Variants in ZNF469 observed in about 807,000 individuals in gnomAD.
The protein encoded by ZNF469 is zinc finger protein 469.
ZNF469 carries 1 observed loss-of-function variant against 1.0 expected under a neutral mutation model. The observed-to-expected ratio is 1.00, with a 90% CI of 0.35 to 4.73. The LOEUF (loss-of-function observed/expected upper bound fraction) is 4.73, where lower values mean the gene tolerates loss of function less well. Ranked by LOEUF, ZNF469 falls within the 30% of genes most tolerant of loss-of-function variation. The pLI, the probability that ZNF469 is intolerant of heterozygous loss-of-function variation, is 0.16. For synonymous variants in ZNF469, 2,703 were observed against 2,363.4 expected (o/e 1.14, Z -4.17); for missense variants, 6,100 against 5,356.3 (o/e 1.14, Z -4.33).
chr16:88,372,944 A>G, the ZNF469 span, among the ~76,000 whole-genome samples: 1 of 151,746 alleles, frequency 6.6e-6, no homozygotes. Context: ...CACCATCTTT[A>G]CCATCATCAC....
chr16:88,243,132 G>T, the ZNF469 span, among the ~76,000 whole-genome samples: 1 of 152,172 alleles, frequency 6.6e-6, no homozygotes, highest in African/African-American at 2.4e-5. Context: ...AGTGGCTCAC[G>T]AGGCTGGAAG....
intron 1 of ZNF469, among the ~76,000 whole-genome samples, chr16:88,413,020 C>A (rs1267434962): frequency 6.6e-6 from 1 of 152,018 alleles, no homozygotes; most frequent in African/African-American, 2.4e-5. Flanking sequence ...ACCGAGAGAC[C>A]CAGGGCGCAC....
chr16:88,150,825 GAAGC>G, the ZNF469 span, among the ~76,000 whole-genome samples: 3 of 152,120 alleles, frequency 2.0e-5, no homozygotes, highest in African/African-American at 7.2e-5. Flanking sequence ...CCCGGCCGTA[GAAGC>G]GCCGTGGGGT....
the ZNF469 span, among the ~76,000 whole-genome samples, chr16:88,245,661 CCTT>C: frequency 6.6e-6 from 1 of 152,252 alleles, no homozygotes; most frequent in Non-Finnish European, 1.5e-5. Context: ...CCCCAAGTGT[CCTT>C]CTCCCCCTTG....
the ZNF469 span, among the ~76,000 whole-genome samples, chr16:88,258,797 T>C: frequency 6.6e-6 from 1 of 151,936 alleles, no homozygotes; most frequent in Non-Finnish European, 1.5e-5. Context: ...CAGTGGGAGG[T>C]GTACAAACAG....
At chr16:88,327,210 G>A in the ZNF469 span, among the ~76,000 whole-genome samples, 47 of 152,278 alleles carry the variant, frequency 3.1e-4, no homozygotes, top group African/African-American at 9.1e-4. Context: ...GGACCCTGTG[G>A]CCTGCACCAC....
chr16:88,238,446 C>T, the ZNF469 span, among the ~76,000 whole-genome samples: 1 of 152,050 alleles, frequency 6.6e-6, no homozygotes, highest in Non-Finnish European at 1.5e-5. Flanking sequence ...CTAAATAGAC[C>T]CTAGATAGAC....
chr16:88,239,699 ATATATATATATATATATTTTTTTTTT>A, the ZNF469 span, among the ~76,000 whole-genome samples: 1 of 12,234 alleles, frequency 8.2e-5, no homozygotes, highest in Non-Finnish European at 1.4e-4. Context: ...ATATATATAT[ATATATATATATATATATTTTTTTTTT>A]TTTTTTTTTT....
chr16:88,195,390 T>C, the ZNF469 span, among the ~76,000 whole-genome samples: 5 of 151,926 alleles, frequency 3.3e-5, no homozygotes, highest in Non-Finnish European at 7.4e-5. Context: ...CCCCGCTGGG[T>C]GGTTTTGCGA....
the ZNF469 span, among the ~76,000 whole-genome samples, chr16:88,183,566 C>G: frequency 1.3e-5 from 2 of 152,190 alleles, no homozygotes; most frequent in African/African-American, 4.8e-5. Flanking sequence ...CAGGACAATT[C>G]TGGAGGACGC....
Position 88,434,772 on chromosome 16 carries a change from C to T in ZNF469, c.7302C>T (p.Pro2434=), listed in dbSNP as rs748812352. ...QSHRNASHQT[P]QGDPLGPQDL... is the part of the protein sequence containing the mutation. ...ACAGAAATGCCTCCCACCAGACTCC[C>T]CAGGGGGACCCCCTCGGCCCCCAAG... Residue 2434 remains proline (P), a synonymous_variant, in exon 3 of 3, where the codon CCC becomes CCT. Coordinates refer to ENST00000565624, the MANE Select transcript of ZNF469 (RefSeq NM_001367624.2). 24 of 1,550,272 alleles carry T rather than the reference C, an allele frequency of 1.5e-5. No individual in the cohort carries two copies. The highest frequency in any genetic ancestry group is 2.1e-5 in the Non-Finnish European group (24 of 1,146,982).
the ZNF469 span, among the ~76,000 whole-genome samples, chr16:88,250,122 C>T: frequency 6.6e-6 from 1 of 152,222 alleles, no homozygotes; most frequent in Non-Finnish European, 1.5e-5. Flanking sequence ...TAATGCAAAG[C>T]GTTTTCACAA....
the ZNF469 span, among the ~76,000 whole-genome samples, chr16:88,364,435 G>T: frequency 8.6e-6 from 1 of 115,784 alleles, no homozygotes; most frequent in Non-Finnish European, 1.6e-5. Context: ...GGCTATTATT[G>T]TTCCTTGCTT....
the ZNF469 span, among the ~76,000 whole-genome samples, chr16:88,159,509 G>A: frequency 2.0e-5 from 3 of 152,164 alleles, no homozygotes; most frequent in African/African-American, 7.2e-5. Flanking sequence ...GGAAGGGAAG[G>A]CCCGGACGGA....
the ZNF469 span, among the ~76,000 whole-genome samples, chr16:88,108,088 A>G: frequency 0.15 from 22,241 of 151,528 alleles, 1,914 homozygotes; most frequent in East Asian, 0.32. Flanking sequence ...TGAAGAAATA[A>G]GGACATTTGC....
At chr16:88,375,381 G>A in the ZNF469 span, among the ~76,000 whole-genome samples, 1 of 152,258 alleles carries the variant, frequency 6.6e-6, no homozygotes, top group Non-Finnish European at 1.5e-5. Context: ...GAACCCGGAC[G>A]TCTGCTACGC....
chr16:88,312,481 C>A, the ZNF469 span, among the ~76,000 whole-genome samples: 1 of 152,346 alleles, frequency 6.6e-6, no homozygotes, highest in South Asian at 2.1e-4. Context: ...CCCAATTCTT[C>A]ACTTGCTCGT....
At chr16:88,309,243 G>T in the ZNF469 span, among the ~76,000 whole-genome samples, 1 of 152,244 alleles carries the variant, frequency 6.6e-6, no homozygotes, top group Non-Finnish European at 1.5e-5. Flanking sequence ...TGGGCTCCGT[G>T]GTGGTGTGCT....
chr16:88,331,036 C>T, the ZNF469 span, among the ~76,000 whole-genome samples: 2 of 117,450 alleles, frequency 1.7e-5, no homozygotes, highest in Non-Finnish European at 3.7e-5. Flanking sequence ...ACTATTACCA[C>T]CATCATCACC....
Sources: allele counts gnomAD v4.1 joint callset (sites outside exome capture counted in the v4.1 genomes callset), GRCh38; gene constraint gnomAD v4.1.1; transcripts MANE v1.5; gene names NCBI Gene and HGNC (gene_info 2026-07-23, HGNC 2026-07-21).